Variants in TAPT1 observed in about 807,000 individuals in gnomAD.
The protein encoded by TAPT1 is transmembrane anterior posterior transformation 1.
A neutral mutation model predicts 65.6 loss-of-function variants in TAPT1; 28 were observed. That is an observed-to-expected ratio of 0.43 (90% confidence interval 0.32 to 0.59). TAPT1 has a LOEUF of 0.59. Ranked by LOEUF, TAPT1 falls within the 20% of genes least tolerant of loss-of-function variation. TAPT1 has a pLI of 0.09. For synonymous variants in TAPT1, 278 were observed against 245.2 expected (o/e 1.13, Z -1.25); for missense variants, 563 against 679.9 (o/e 0.83, Z 1.91).
In TAPT1 at chr4:16,226,256, C is replaced by G. The variant is rs1182540698; in HGVS notation, c.199+3G>C. On this transcript the variant is annotated splice_donor_region_variant and intron_variant, in intron 1 of 13. Transcript: ENST00000405303. Reference sequence around the variant, plus strand: ...CGCCACGGCCTAGCGCCGCCCGCCTCACCTGTGCGGCCCCGGCGCCTCTCC... The same window carrying G: ...CGCCACGGCCTAGCGCCGCCCGCCTGACCTGTGCGGCCCCGGCGCCTCTCC... 2.9e-5 allele frequency: 32 copies of G among 1,121,150 alleles called. No homozygotes were observed. Among genetic ancestry groups the G allele is most frequent in the Non-Finnish European group, 3.2e-5 (29 of 917,872 alleles). The allele number at this position is 1,121,150 out of a possible 1,614,324, so 69.5% of individuals were successfully genotyped here.
intron 1 of TAPT1, among the ~76,000 whole-genome samples, chr4:16,224,319 G>A (rs1216241231): frequency 1.3e-5 from 2 of 152,170 alleles, no homozygotes; most frequent in Non-Finnish European, 2.9e-5. Flanking sequence ...ATTGAAGAAG[G>A]ACTAAAATAA....
intron 9 of TAPT1, among the ~76,000 whole-genome samples, chr4:16,175,422 C>T (rs941805165): frequency 1.3e-5 from 2 of 152,078 alleles, no homozygotes; most frequent in African/African-American, 4.8e-5. Context: ...GTTGCAACTG[C>T]ATTTTATTTT....
chr4:16,173,006 T>C (rs1028732861), intron 11 of TAPT1, among the ~76,000 whole-genome samples: 8 of 152,034 alleles, frequency 5.3e-5, no homozygotes, highest in Non-Finnish European at 1.2e-4. Context: ...GTATTTTTAG[T>C]AGAGATGGGG....
rs76207535 is a variant in TAPT1 at position 16,193,475 on chromosome 4, G to A, written c.450-1952C>T. 2.5e-3 allele frequency among the ~76,000 whole-genome samples: 386 copies of A among 152,032 alleles called. 12 individuals carry two copies. In the East Asian group the frequency reaches 0.044, roughly 17 times the overall value. On this transcript the variant is annotated intron_variant, in intron 3 of 13. Coordinates refer to ENST00000405303, the MANE Select transcript of TAPT1 (RefSeq NM_153365.3). ...AAAGAGAGACCTTTTTCTCCTCAGGGAACAAAGAATGTCCTTCATCTCCTG... is the reference window on the plus strand; with the variant it reads ...AAAGAGAGACCTTTTTCTCCTCAGGAAACAAAGAATGTCCTTCATCTCCTG...
chr4:16,215,247 C>T (rs59786002), intron 1 of TAPT1, among the ~76,000 whole-genome samples: 3,187 of 152,140 alleles, frequency 0.021, 116 homozygotes, highest in African/African-American at 0.072. Context: ...GCCGAGATCA[C>T]GCCACTGCAC....
chr4:16,199,526 A>G (rs1749909288), intron 3 of TAPT1, among the ~76,000 whole-genome samples: 1 of 152,162 alleles, frequency 6.6e-6, no homozygotes, highest in South Asian at 2.1e-4. Flanking sequence ...AAAAGTAAAT[A>G]CTGGCAGAGG....
chr4:16,174,566 G>A, intron 10 of TAPT1, 104 bp downstream of exon 10: 1 of 1,061,346 alleles, frequency 9.4e-7, no homozygotes, highest in South Asian at 1.7e-5. Flanking sequence ...GGCAGTTTAT[G>A]TAGCTTTCCT....
At chr4:16,188,698 A>C (rs1236977776) in intron 4 of TAPT1, among the ~76,000 whole-genome samples, 1 of 151,624 alleles carries the variant, frequency 6.6e-6, no homozygotes, top group East Asian at 1.9e-4. Flanking sequence ...AGGTGGGCGG[A>C]TCACGAGGTC....
intron 1 of TAPT1, chr4:16,225,803 T>C (rs2108906950): frequency 1.5e-5 from 13 of 848,932 alleles, no homozygotes; most frequent in South Asian, 1.1e-4. Context: ...CTGTGAAAAA[T>C]CTACTTGCAG....
intron 3 of TAPT1, 95 bp downstream of exon 3, chr4:16,202,367 G>T: frequency 2.7e-6 from 2 of 738,020 alleles, no homozygotes; most frequent in Admixed American, 2.6e-5. Context: ...AAGTGTGGAT[G>T]AAACTGTATG....
intron 7 of TAPT1, among the ~76,000 whole-genome samples, chr4:16,184,004 T>A (rs1158163968): frequency 6.6e-6 from 1 of 152,218 alleles, no homozygotes; most frequent in Admixed American, 6.5e-5. Flanking sequence ...TTTAACATAT[T>A]CATATGCCAT....
In TAPT1 at chr4:16,160,525, T is replaced by G. The variant is rs1747200942; in HGVS notation, c.*2783A>C. 6.6e-6 allele frequency: 1 copy of G among 152,180 alleles called. No homozygotes were observed. Among genetic ancestry groups the G allele is most frequent in the South Asian group, 2.1e-4 (1 of 4,828 alleles). 9.4% of individuals were successfully genotyped at this position (152,180 alleles called of 1,614,324 possible). ...ACACAAACGTTTTAAAGAACTATAT[T>G]TTAGAGCTGAAATAAGCCTGAGAGA... On this transcript the variant is annotated 3_prime_UTR_variant, in exon 14 of 14. Coordinates refer to ENST00000405303, the MANE Select transcript of TAPT1 (RefSeq NM_153365.3).
At position 16,166,762 on chromosome 4, in the gene TAPT1, C is replaced by T. The variant is rs1010156933; in HGVS notation, c.1345G>A (p.Val449Met). ...LISLKVLNSI[V>M]LLGKSCQYVK... The stretch of plus-strand genomic sequence containing the variant: ...TACTGGCACGATTTCCCCAACAGCA[C>T]GATGCTATTAAGTACTTTCAGGGAT... The change falls in exon 13 of 14, where the codon GTG becomes ATG. Residue 449 changes from valine (V) to methionine (M), a missense_variant. This residue lies in a region of TAPT1 where 136 missense variants were observed against 153.9 expected (regional missense o/e 0.88). Coordinates refer to ENST00000405303, the MANE Select transcript of TAPT1 (RefSeq NM_153365.3). The T allele has an allele frequency of 1.2e-5, 20 of 1,613,740 alleles. No individual in the cohort carries two copies. The highest frequency in any genetic ancestry group is 8.0e-5 in the African/African-American group (6 of 74,852).
At chr4:16,188,929 GA>G (rs1233758354) in intron 4 of TAPT1, among the ~76,000 whole-genome samples, 2 of 140,386 alleles carry the variant, frequency 1.4e-5, no homozygotes, top group African/African-American at 2.7e-5. Flanking sequence ...ACCAAAAAAA[GA>G]AAAAAAGGGG....
chr4:16,189,531 T>C (rs1749230471), intron 4 of TAPT1, among the ~76,000 whole-genome samples: 1 of 152,228 alleles, frequency 6.6e-6, no homozygotes, highest in Non-Finnish European at 1.5e-5. Context: ...GTGAAGTCTA[T>C]TTAATCCTCA....
At chr4:16,205,601 T>TG (rs1560180498) in intron 2 of TAPT1, among the ~76,000 whole-genome samples, 1 of 151,968 alleles carries the variant, frequency 6.6e-6, no homozygotes, top group East Asian at 1.9e-4. Context: ...CGTGTGTATT[T>TG]GGGGGCAGGT....
chr4:16,179,293 T>C (rs962346995), intron 8 of TAPT1: 1 of 281,126 alleles, frequency 3.6e-6, no homozygotes, highest in Non-Finnish European at 6.7e-6. Flanking sequence ...TGTGACACAA[T>C]GGTAAGTGTA....
At chr4:16,185,806 A>T (rs2149686570) in intron 7 of TAPT1, among the ~76,000 whole-genome samples, 1 of 152,236 alleles carries the variant, frequency 6.6e-6, no homozygotes, top group African/African-American at 2.4e-5. Context: ...TCCTTCCTCA[A>T]GGACATCATC....
At chr4:16,192,596 T>C (rs927565826) in intron 3 of TAPT1, among the ~76,000 whole-genome samples, 1 of 152,070 alleles carries the variant, frequency 6.6e-6, no homozygotes, top group Non-Finnish European at 1.5e-5. Flanking sequence ...GAGCAAAAAA[T>C]ACATTAGAAA....
Sources: allele counts gnomAD v4.1 joint callset (sites outside exome capture counted in the v4.1 genomes callset), GRCh38; gene constraint gnomAD v4.1.1; regional missense constraint gnomAD v4.1.1; transcripts MANE v1.5; gene names NCBI Gene and HGNC (gene_info 2026-07-23, HGNC 2026-07-21).